CACNA1G: variants seen among roughly 807,000 people sequenced by gnomAD.
CACNA1G encodes the protein calcium voltage-gated channel subunit alpha1 G.
In CACNA1G, 67 loss-of-function variants were observed where a neutral mutation model predicts 219.4. That is an observed-to-expected ratio of 0.31 (90% CI 0.25 to 0.37). The LOEUF (loss-of-function observed/expected upper bound fraction) is 0.37. Ranked by LOEUF, CACNA1G falls within the 10% of genes least tolerant of loss-of-function variation. The pLI, the probability that CACNA1G is intolerant of heterozygous loss-of-function variation, is 1.00. For synonymous variants in CACNA1G, 1,296 were observed against 1,345.3 expected, an observed-to-expected ratio of 0.96 and a Z score of 0.80; for missense variants, 2,380 against 3,231.4, an observed-to-expected ratio of 0.74 and a Z score of 6.39.
intron 21 of CACNA1G, 140 bp from the exon 22 acceptor site, chr17:50,604,015 A>G (rs1490931603): frequency 6.4e-6 from 5 of 784,278 alleles, no homozygotes; most frequent in Non-Finnish European, 9.4e-6. Flanking sequence ...CAGGGGTCCC[A>G]TGAAAAGAGG....
rs180954040 is a variant in CACNA1G, at chr17:50,614,137, G to A, written c.4760-1224G>A. 5.9e-5 allele frequency among the ~76,000 whole-genome samples: 9 copies of A among 152,268 alleles called. No individual in the cohort carries two copies. Among genetic ancestry groups the A allele is most frequent in the South Asian group, 2.1e-4 (1 of 4,828 alleles). Reference sequence around the variant, plus strand: ...TGGGTGCTCTTCTTCCTTCAGCCTCGGGTGGGGGCCCACCCCAGGCCGCTC... The same window carrying A: ...TGGGTGCTCTTCTTCCTTCAGCCTCAGGTGGGGGCCCACCCCAGGCCGCTC... On this transcript the variant is annotated intron_variant, in intron 26 of 37. Transcript: ENST00000359106.
chr17:50,579,412 C>A (rs1194497411), intron 9 of CACNA1G, among the ~76,000 whole-genome samples: 8 of 152,100 alleles, frequency 5.3e-5, no homozygotes, highest in Admixed American at 4.6e-4. Flanking sequence ...CCCACTGATC[C>A]CCCATCATGA....
At chr17:50,566,331 T>C (rs1048301430) in intron 1 of CACNA1G, among the ~76,000 whole-genome samples, 2 of 149,578 alleles carry the variant, frequency 1.3e-5, no homozygotes, top group African/African-American at 4.9e-5. Flanking sequence ...ATTATTCCTC[T>C]ATTCAGAGTG....
intron 19 of CACNA1G, among the ~76,000 whole-genome samples, chr17:50,601,926 C>T (rs554952717): frequency 8.9e-4 from 135 of 152,252 alleles, no homozygotes; most frequent in African/African-American, 2.8e-3. Flanking sequence ...TAGATTTCAG[C>T]GCTGCTGGGG....
Position 50,607,866 on chromosome 17 carries a change from A to G in CACNA1G, c.4552A>G (p.Ile1518Val). 6.2e-7 allele frequency: 1 copy of G among 1,613,954 alleles called. No individual in the cohort carries two copies. The highest frequency in any genetic ancestry group is 8.5e-7 in the Non-Finnish European group (1 of 1,179,880). The part of the protein sequence containing the change: ...NHNPWMLLYF[I>V]SFLLIVAFFV... ...CAACCCCTGGATGCTGCTGTACTTC[A>G]TCTCGTTCCTGCTCATTGTGGCCTT... The change falls in exon 25 of 38, where the codon ATC (isoleucine) becomes GTC (valine). Residue 1518 changes from isoleucine (I) to valine (V), a missense_variant. Physicochemically the swap from Ile to Val is conservative, Grantham distance 29. Transcript: ENST00000359106.
rs564470108 is a variant in CACNA1G at position 50,591,155 on chromosome 17, A to G, written c.2454-280A>G. On this transcript the variant is annotated intron_variant, in intron 10 of 37. Coordinates refer to ENST00000359106, the MANE Select transcript of CACNA1G (RefSeq NM_018896.5). Reference sequence around the variant, plus strand: ...TAGAAGAGAACAAAGCAAATATTCCATAACTTGATGCAGTTGCATTGGCCA... The same window carrying G: ...TAGAAGAGAACAAAGCAAATATTCCGTAACTTGATGCAGTTGCATTGGCCA... Among the ~76,000 whole-genome samples the G allele has an allele frequency of 7.9e-5, 12 of 152,392 alleles. No individual in the cohort carries two copies. In the South Asian group the frequency reaches 8.3e-4, roughly 11 times the overall value.
rs747405837 is a variant in CACNA1G, at chr17:50,596,542, C to T, written c.2980-20C>T. ...CAAGCCTGGCCGGATCCCTAATGGT[C>T]CGCTGCTCCCCTGCCCTAGGGAGAT... On this transcript the variant is annotated intron_variant, in intron 14 of 37. Transcript: ENST00000359106. This position sits in a 1 kb window ranked among gnomAD's most constrained non-coding sequence, Gnocchi z 4.8. 8.1e-6 allele frequency: 13 copies of T among 1,609,644 alleles called. No homozygotes were observed. The highest frequency in any genetic ancestry group is 1.1e-5 in the Non-Finnish European group (13 of 1,176,026).
In CACNA1G at chr17:50,621,864, G is replaced by A; in HGVS notation, c.6060+70G>A. The A allele has an allele frequency of 3.2e-6, 5 of 1,564,658 alleles. No individual in the cohort carries two copies. Among genetic ancestry groups the A allele is most frequent in the Non-Finnish European group, 4.4e-6 (5 of 1,145,974 alleles). On this transcript the variant is annotated intron_variant, in intron 35 of 37. Transcript: ENST00000359106. This position sits in a 1 kb window ranked among gnomAD's most constrained non-coding sequence, Gnocchi z 4.6. The stretch of plus-strand genomic sequence containing the variant: ...GGACTGGCTGCAGGGCTCCAGATCG[G>A]CCCAGGGAGGGTCCTGGGGCCGCCT...
intron 13 of CACNA1G, among the ~76,000 whole-genome samples, chr17:50,593,947 G>A (rs1353918678): frequency 6.6e-6 from 1 of 152,220 alleles, no homozygotes; most frequent in African/African-American, 2.4e-5. Context: ...GCCCTCTCCT[G>A]GGTAAGGTTT....
rs532763901 is a variant in CACNA1G, at chr17:50,573,124, C to T, written c.1140+11C>T. 29 of 1,551,106 alleles carry T rather than the reference C, an allele frequency of 1.9e-5. No individual in the cohort carries two copies. Among genetic ancestry groups the T allele is most frequent in the Non-Finnish European group, 2.5e-5 (29 of 1,142,764 alleles). On this transcript the variant is annotated intron_variant, in intron 7 of 37. Transcript: ENST00000359106. ...ATCCTCCTCATCATCGTGAGTGACT[C>T]CTCAGATCCCCGTGGGGATGGGCGA...
chr17:50,605,423 C>T (rs2047741633), intron 22 of CACNA1G, among the ~76,000 whole-genome samples: 1 of 152,162 alleles, frequency 6.6e-6, no homozygotes, highest in South Asian at 2.1e-4. Flanking sequence ...ACTCCCCCAC[C>T]CAGAGCTGCT....
intron 22 of CACNA1G, among the ~76,000 whole-genome samples, chr17:50,605,641 G>A (rs1393133982): frequency 6.6e-6 from 1 of 152,224 alleles, no homozygotes; most frequent in Non-Finnish European, 1.5e-5. Context: ...ACCGTTGGTG[G>A]AAGATGAATG....
At chr17:50,585,758 C>T (rs2145278384) in intron 9 of CACNA1G, among the ~76,000 whole-genome samples, 1 of 152,248 alleles carries the variant, frequency 6.6e-6, no homozygotes, top group South Asian at 2.1e-4. Context: ...CCGAGGTGTT[C>T]CCTGACTTCC....
chr17:50,617,233 G>A lies in CACNA1G; in HGVS notation c.5022-205G>A, dbSNP rs1447768759. Among the ~76,000 whole-genome samples the A allele has an allele frequency of 6.6e-6, 1 of 152,186 alleles. No homozygotes were observed. Among genetic ancestry groups the A allele is most frequent in the African/African-American group, 2.4e-5 (1 of 41,446 alleles). ...CAAATGAATACAAATGAAAAGCAGAGGCTTTTGAGCTAAAGTCCTAGTCCT... is the reference window on the plus strand; with the variant it reads ...CAAATGAATACAAATGAAAAGCAGAAGCTTTTGAGCTAAAGTCCTAGTCCT... On this transcript the variant is annotated intron_variant, in intron 28 of 37. Transcript: ENST00000359106. This position sits in a 1 kb window ranked among gnomAD's most constrained non-coding sequence, Gnocchi z 5.8.
Position 50,604,139 on chromosome 17 carries a change from T to C in CACNA1G, c.4170-16T>C. The C allele has an allele frequency of 6.2e-7, 1 of 1,609,336 alleles. No homozygotes were observed. On this transcript the variant is annotated splice_polypyrimidine_tract_variant and intron_variant, in intron 21 of 37. Coordinates refer to ENST00000359106, the MANE Select transcript of CACNA1G (RefSeq NM_018896.5). Reference sequence around the variant, plus strand: ...GCTGGGGGAAGCCTTATCACCTCCCTCCCTCCCCTCCCCAGGGTGATCAGC... The same window carrying C: ...GCTGGGGGAAGCCTTATCACCTCCCCCCCTCCCCTCCCCAGGGTGATCAGC...
intron 25 of CACNA1G, among the ~76,000 whole-genome samples, chr17:50,608,553 T>C (rs2145986704): frequency 6.6e-6 from 1 of 150,644 alleles, no homozygotes; most frequent in African/African-American, 2.4e-5. Context: ...TATATATTTC[T>C]GCTAAACTTA....
Position 50,618,171 on chromosome 17 carries a change from AG to A in CACNA1G, c.5306-46del. ...GGTGGAGGAGCCAGGGCTGGAGACC[AG>A]GGGGCTCCTGGACTAACATGGGCCT... is the stretch of plus-strand genomic sequence containing the variant. On this transcript the variant is annotated intron_variant, in intron 31 of 37. Transcript: ENST00000359106. This position sits in a 1 kb window ranked among gnomAD's most constrained non-coding sequence, Gnocchi z 5.3. The A allele has an allele frequency of 6.2e-7, 1 of 1,612,884 alleles. No individual in the cohort carries two copies. The highest frequency in any genetic ancestry group is 8.5e-7 in the Non-Finnish European group (1 of 1,179,122).
Position 50,572,862 on chromosome 17 carries a change from A to G in CACNA1G, c.1047+8A>G, listed in dbSNP as rs1350492440. The G allele has an allele frequency of 6.2e-7, 1 of 1,610,012 alleles. No homozygotes were observed. Among genetic ancestry groups the G allele is most frequent in the Admixed American group, 1.7e-5 (1 of 59,948 alleles). ...TGGATCGCCATCTTCCAGGTGGGGC[A>G]GCCTGGGCCCCGGGAGCTTCCCCAG... is the stretch of plus-strand genomic sequence containing the variant. On this transcript the variant is annotated splice_region_variant and intron_variant, in intron 6 of 37. Coordinates refer to ENST00000359106, the MANE Select transcript of CACNA1G (RefSeq NM_018896.5).
intron 20 of CACNA1G, 51 bp downstream of exon 20, chr17:50,602,939 A>G: frequency 6.2e-7 from 1 of 1,602,742 alleles, no homozygotes; most frequent in East Asian, 2.2e-5. Context: ...GTGGGGGTGG[A>G]GACAGCTTGG....
Sources: gnomAD v4.1 joint callset for allele counts (sites outside exome capture counted in the v4.1 genomes callset) on GRCh38, gnomAD v4.1.1 for gene constraint, Gnocchi (gnomAD v3.1) non-coding constraint, MANE v1.5 for transcripts, NCBI Gene and HGNC (gene_info 2026-07-23, HGNC 2026-07-21) for gene names.